DYNC2H1: variants seen among roughly 807,000 people sequenced by gnomAD.
DYNC2H1 encodes cytoplasmic dynein 2 heavy chain 1.
In DYNC2H1, 410 loss-of-function variants were observed where a neutral mutation model predicts 570.0. That is an observed-to-expected ratio of 0.72 (90% confidence interval 0.66 to 0.78). The LOEUF (loss-of-function observed/expected upper bound fraction) is 0.78, where lower values mean the gene tolerates loss of function less well. Ranked by LOEUF, DYNC2H1 falls within the 30% of genes least tolerant of loss-of-function variation. DYNC2H1 has a pLI of 0.00. For missense variants in DYNC2H1, 4,865 were observed against 5,046.4 expected, an observed-to-expected ratio of 0.96 and a Z score of 1.09; for synonymous variants, 1,688 against 1,677.6, an observed-to-expected ratio of 1.01 and a Z score of -0.15.
chr11:103,372,032 C>CTTTTTTTT (rs1156605664), intron 83 of DYNC2H1, among the ~76,000 whole-genome samples: 2 of 38,036 alleles, frequency 5.3e-5, no homozygotes, highest in Non-Finnish European at 8.9e-5. Context: ...TTGTCTTGTT[C>CTTTTTTTT]TTTTTTTTTT....
At chr11:103,293,190 A>G (rs1866682706) in intron 75 of DYNC2H1, among the ~76,000 whole-genome samples, 1 of 149,728 alleles carries the variant, frequency 6.7e-6, no homozygotes, top group Admixed American at 6.8e-5. Flanking sequence ...GCTGGATATA[A>G]TATTCTAAGT....
chr11:103,122,977 A>ATC lies in DYNC2H1; in HGVS notation c.1640_1641dup (p.Asp548LeufsTer25). 1 of 1,547,234 alleles carries ATC rather than the reference A, an allele frequency of 6.5e-7. No individual in the cohort carries two copies. Among genetic ancestry groups the ATC allele is most frequent in the South Asian group, 1.3e-5 (1 of 77,956 alleles). On this transcript the variant is annotated frameshift_variant, in exon 11 of 89. Transcript: ENST00000375735. LOFTEE classifies it high-confidence loss of function. ...GGTCCAGGGATATTCAATCAGGTTT[A>ATC]TCTGATTCCAGATCTGGTTTGTGGT...
intron 58 of DYNC2H1, among the ~76,000 whole-genome samples, chr11:103,222,729 CTTTAA>C (rs760217482): frequency 4.6e-5 from 7 of 152,250 alleles, no homozygotes; most frequent in South Asian, 2.1e-4. Flanking sequence ...GATAAAACAT[CTTTAA>C]TTTAAAGATT....
rs117126314 is a variant in DYNC2H1, at chr11:103,324,897, T to C, written c.12039+907T>C. ...CTGTTATTTTTTGACTTTTTAATAA[T>C]AGCCAGTCTGATGGGCATGAGATGG... On this transcript the variant is annotated intron_variant, in intron 82 of 88. Transcript: ENST00000375735. This position sits in a 1 kb window ranked among gnomAD's most constrained non-coding sequence, Gnocchi z 5.2. Among the ~76,000 whole-genome samples the C allele has an allele frequency of 0.013, 2,044 of 152,364 alleles. 27 individuals carry two copies. Among genetic ancestry groups the C allele is most frequent in the Middle Eastern group, 0.031 (9 of 294 alleles).
intron 75 of DYNC2H1, among the ~76,000 whole-genome samples, chr11:103,298,704 A>T (rs558747747): frequency 1.4e-4 from 21 of 152,264 alleles, no homozygotes; most frequent in African/African-American, 5.1e-4. Context: ...ATTACCAGAG[A>T]ACAACAGGCA....
At chr11:103,427,906 TATC>T (rs1249019084) in intron 84 of DYNC2H1, among the ~76,000 whole-genome samples, 6 of 151,876 alleles carry the variant, frequency 4.0e-5, no homozygotes, top group Non-Finnish European at 7.4e-5. Flanking sequence ...GAGTAGAATT[TATC>T]ATTCTCCACT....
At chr11:103,386,390 A>G (rs566451166) in intron 83 of DYNC2H1, among the ~76,000 whole-genome samples, 3 of 152,074 alleles carry the variant, frequency 2.0e-5, no homozygotes, top group Non-Finnish European at 4.4e-5. Flanking sequence ...CCATAAAGTT[A>G]TTGAACCAAT....
chr11:103,443,461 A>G lies in DYNC2H1; in HGVS notation c.12456+7429A>G, dbSNP rs1003522290. On this transcript the variant is annotated intron_variant, in intron 85 of 88. Coordinates refer to ENST00000375735, the MANE Select transcript of DYNC2H1 (RefSeq NM_001377.3). ...TGTCTGTTATACATAATATTGAAGT[A>G]GACTATTGAGTGTTTGGCTTAATAC... Among the ~76,000 whole-genome samples, 4 of 152,110 alleles carry G rather than the reference A, an allele frequency of 2.6e-5. No individual in the cohort carries two copies. In the East Asian group the frequency reaches 7.7e-4, roughly 29 times the overall value.
In DYNC2H1 at chr11:103,145,278, A is replaced by G. The variant is rs542347874; in HGVS notation, c.2702+1883A>G. Among the ~76,000 whole-genome samples, 1 of 152,218 alleles carries G rather than the reference A, an allele frequency of 6.6e-6. No individual in the cohort carries two copies. The highest frequency in any genetic ancestry group is 2.4e-5 in the African/African-American group (1 of 41,458). On this transcript the variant is annotated intron_variant, in intron 18 of 88. Transcript: ENST00000375735. This position sits in a 1 kb window ranked among gnomAD's most constrained non-coding sequence, Gnocchi z 4.2. Reference sequence around the variant, plus strand: ...ATTTATTGGAGGAAGATGAGGGATTAGGAATAGGAAGAGACAAATGACTTG... The same window carrying G: ...ATTTATTGGAGGAAGATGAGGGATTGGGAATAGGAAGAGACAAATGACTTG...
chr11:103,200,601 C>T (rs1364856470), intron 50 of DYNC2H1, among the ~76,000 whole-genome samples: 4 of 152,078 alleles, frequency 2.6e-5, no homozygotes, highest in Non-Finnish European at 5.9e-5. Context: ...ACCTTCCTAT[C>T]AGTAGTGGCA....
At chr11:103,217,554 C>T (rs1366128619) in intron 55 of DYNC2H1, among the ~76,000 whole-genome samples, 1 of 152,138 alleles carries the variant, frequency 6.6e-6, no homozygotes, top group Non-Finnish European at 1.5e-5. Context: ...AGCCCAGAAC[C>T]TTTACCTTTT....
At chr11:103,459,636 A>T (rs969321217) in intron 87 of DYNC2H1, among the ~76,000 whole-genome samples, 1 of 152,068 alleles carries the variant, frequency 6.6e-6, no homozygotes, top group African/African-American at 2.4e-5. Flanking sequence ...GGCTCTATAG[A>T]CTGCCATAAA....
rs570492598 is a variant in DYNC2H1 at position 103,157,738 on chromosome 11, C to G, written c.4128-939C>G. On this transcript the variant is annotated intron_variant, in intron 26 of 88. Coordinates refer to ENST00000375735, the MANE Select transcript of DYNC2H1 (RefSeq NM_001377.3). This position sits in a 1 kb window ranked among gnomAD's most constrained non-coding sequence, Gnocchi z 4.2. ...CAGCCAGAGTAATTGTTTAAAAATGCAGGTTCAGCACTTTCTTTTACTCCT... is the reference window on the plus strand; with the variant it reads ...CAGCCAGAGTAATTGTTTAAAAATGGAGGTTCAGCACTTTCTTTTACTCCT... Among the ~76,000 whole-genome samples, 4 of 152,284 alleles carry G rather than the reference C, an allele frequency of 2.6e-5. No individual in the cohort carries two copies. The highest frequency in any genetic ancestry group is 5.9e-5 in the Non-Finnish European group (4 of 68,004).
chr11:103,177,431 A>G lies in DYNC2H1; in HGVS notation c.5875-125A>G. 2.3e-6 allele frequency: 2 copies of G among 871,300 alleles called. No homozygotes were observed. Among genetic ancestry groups the G allele is most frequent in the Non-Finnish European group, 3.4e-6 (2 of 592,716 alleles). 54.0% of individuals were successfully genotyped at this position (871,300 alleles called of 1,614,324 possible). A position where few individuals can be genotyped will look rare whatever the true frequency, so the allele number is the denominator to read the frequency against. Reference sequence around the variant, plus strand: ...TTAGGTAGTCTATTACATTTTAGGCAATACCTTCCACTGAAGAAATCAAAG... The same window carrying G: ...TTAGGTAGTCTATTACATTTTAGGCGATACCTTCCACTGAAGAAATCAAAG... On this transcript the variant is annotated intron_variant, in intron 37 of 88. Coordinates refer to ENST00000375735, the MANE Select transcript of DYNC2H1 (RefSeq NM_001377.3). The surrounding 1 kb of genome is among the most constrained non-coding windows in gnomAD (Gnocchi z 4.4).
intron 82 of DYNC2H1, among the ~76,000 whole-genome samples, chr11:103,339,419 A>C (rs1268142152): frequency 6.6e-6 from 1 of 152,204 alleles, no homozygotes; most frequent in Non-Finnish European, 1.5e-5. Context: ...TTATCCCACC[A>C]GGGTTGTAGA....
At chr11:103,135,351 A>G (rs1859482203) in intron 15 of DYNC2H1, 144 bp from the exon 16 acceptor site, 1 of 626,162 alleles carries the variant, frequency 1.6e-6, no homozygotes, top group African/African-American at 1.9e-5. Context: ...GAGAGTAACA[A>G]GGATGTACCA....
At chr11:103,426,552 AC>A (rs1376112422) in intron 84 of DYNC2H1, among the ~76,000 whole-genome samples, 4 of 152,230 alleles carry the variant, frequency 2.6e-5, no homozygotes, top group African/African-American at 9.6e-5. Flanking sequence ...AAGTTTAAAT[AC>A]TATTTAGACC....
In DYNC2H1 at chr11:103,153,414, A is replaced by G; in HGVS notation, c.3208A>G (p.Thr1070Ala). ...AAAGCCTGGTGATGATGTTATTGAA[A>G]CTGGCCAACATAATACTCTTGATAA... ...QLKPGDDVIE[T>A]GQHNTLDKSA... is the part of the protein sequence containing the mutation. Residue 1070 changes from threonine (T) to alanine (A), a missense_variant, in exon 22 of 89, where the codon ACT becomes GCT. Thr to Ala is a moderately conservative substitution (Grantham distance 58, BLOSUM62 0). Coordinates refer to ENST00000375735, the MANE Select transcript of DYNC2H1 (RefSeq NM_001377.3). 6.4e-7 allele frequency: 1 copy of G among 1,562,796 alleles called. No individual in the cohort carries two copies. Among genetic ancestry groups the G allele is most frequent in the Non-Finnish European group, 8.7e-7 (1 of 1,152,610 alleles).
chr11:103,397,320 A>C (rs913240798), intron 83 of DYNC2H1, among the ~76,000 whole-genome samples: 6 of 152,096 alleles, frequency 3.9e-5, no homozygotes, highest in African/African-American at 1.4e-4. Flanking sequence ...ATAAAAAAAA[A>C]ACCCTAGTAA....
Sources: allele counts gnomAD v4.1 joint callset (sites outside exome capture counted in the v4.1 genomes callset), GRCh38; gene constraint gnomAD v4.1.1; non-coding constraint Gnocchi (gnomAD v3.1); transcripts MANE v1.5; gene names NCBI Gene and HGNC (gene_info 2026-07-23, HGNC 2026-07-21).